Variants in DTNBP1 observed in about 807,000 individuals in gnomAD.
The protein encoded by DTNBP1 is dystrobrevin binding protein 1, also known as dysbindin.
In DTNBP1, 35 loss-of-function variants were observed where a neutral mutation model predicts 42.8. The observed-to-expected ratio is 0.82, with a 90% confidence interval of 0.63 to 1.09. The LOEUF is 1.09. Among genes scored for constraint, DTNBP1 ranks in the 50% least tolerant of loss-of-function variants. DTNBP1 has a pLI of 0.00. For synonymous variants in DTNBP1, 171 were observed against 162.2 expected, an observed-to-expected ratio of 1.05 and a Z score of -0.41; for missense variants, 457 against 424.2, an observed-to-expected ratio of 1.08 and a Z score of -0.68.
chr6:15,577,572 G>A (rs1246823665), intron 7 of DTNBP1, among the ~76,000 whole-genome samples: 3 of 152,196 alleles, frequency 2.0e-5, no homozygotes, highest in Non-Finnish European at 4.4e-5. Context: ...GATGAACAGC[G>A]CTATCATCTA....
Position 15,587,717 on chromosome 6 carries a change from G to C in DTNBP1, c.511+5342C>G, listed in dbSNP as rs1776137091. On this transcript the variant is annotated intron_variant, in intron 7 of 9. Transcript: ENST00000344537. This position sits in a 1 kb window ranked among gnomAD's most constrained non-coding sequence, Gnocchi z 4.1. ...GGTGCAGCCTAGAGCCCCAAGGTCT[G>C]CCAAAAAATGGTTCTGAGACAACTG... Among the ~76,000 whole-genome samples the C allele has an allele frequency of 6.6e-6, 1 of 152,142 alleles. No homozygotes were observed. The highest frequency in any genetic ancestry group is 1.5e-5 in the Non-Finnish European group (1 of 68,018).
At chr6:15,602,564 A>G (rs1010184875) in intron 6 of DTNBP1, among the ~76,000 whole-genome samples, 2 of 152,220 alleles carry the variant, frequency 1.3e-5, no homozygotes, top group African/African-American at 4.8e-5. Context: ...ATAAACTCCA[A>G]CACAACTATG....
intron 6 of DTNBP1, among the ~76,000 whole-genome samples, chr6:15,609,568 C>T (rs1158919669): frequency 6.6e-6 from 1 of 152,232 alleles, no homozygotes; most frequent in African/African-American, 2.4e-5. Flanking sequence ...TTCCACCCAC[C>T]TTGGCCTCCC....
chr6:15,632,293 T>C (rs1759739628), intron 4 of DTNBP1, among the ~76,000 whole-genome samples: 1 of 152,222 alleles, frequency 6.6e-6, no homozygotes, highest in African/African-American at 2.4e-5. Flanking sequence ...TTTTATATCT[T>C]ACTTAAGAAA....
At position 15,523,098 on chromosome 6, in the gene DTNBP1, A is replaced by C. The variant is rs771057535; in HGVS notation, c.933T>G (p.Ser311Arg). 1.9e-6 allele frequency: 3 copies of C among 1,614,090 alleles called. No individual in the cohort carries two copies. Among genetic ancestry groups the C allele is most frequent in the South Asian group, 1.1e-5 (1 of 91,060 alleles). ...TCTDSATRDI[S>R]EGGESPVVQS... ...GAACAACGGGGGACTCCCCACCCTC[A>C]CTGATGTCCCGGGTGGCCGAGTCGG... The change falls in exon 10 of 10, where the codon AGT (serine) becomes AGG (arginine). Residue 311 changes from serine (S) to arginine (R), a missense_variant. Transcript: ENST00000344537.
intron 6 of DTNBP1, among the ~76,000 whole-genome samples, chr6:15,604,498 CAT>C (rs1039477612): frequency 7.9e-5 from 12 of 152,224 alleles, no homozygotes; most frequent in African/African-American, 2.6e-4. Flanking sequence ...TCTTCTCTCC[CAT>C]TCTCAGCTCC....
intron 6 of DTNBP1, among the ~76,000 whole-genome samples, chr6:15,597,044 A>AG (rs1776543495): frequency 1.3e-5 from 2 of 152,216 alleles, no homozygotes; most frequent in South Asian, 4.1e-4. Context: ...ATCTTGGTTG[A>AG]GTTCAATCAT....
intron 7 of DTNBP1, among the ~76,000 whole-genome samples, chr6:15,536,669 AT>A (rs1435435055): frequency 2.0e-5 from 3 of 152,178 alleles, no homozygotes; most frequent in Non-Finnish European, 2.9e-5. Context: ...GGCAGTGCAA[AT>A]GGTAAATGTG....
At chr6:15,548,501 T>C (rs1209034628) in intron 7 of DTNBP1, 1 of 150,482 alleles carries the variant, frequency 6.6e-6, no homozygotes, top group Non-Finnish European at 1.5e-5. Flanking sequence ...TTCCCATGTA[T>C]AACACATTTG....
intron 2 of DTNBP1, 39 bp downstream of exon 2, chr6:15,652,046 ATT>A: frequency 6.3e-7 from 1 of 1,583,966 alleles, no homozygotes; most frequent in Non-Finnish European, 8.7e-7. Flanking sequence ...GTTGTATGAA[ATT>A]TAAGTCACAG....
At chr6:15,616,197 A>G (rs990462362) in intron 5 of DTNBP1, among the ~76,000 whole-genome samples, 2 of 152,246 alleles carry the variant, frequency 1.3e-5, no homozygotes, top group African/African-American at 4.8e-5. Context: ...CTAATTTCCA[A>G]TTGACAGGGT....
intron 7 of DTNBP1, among the ~76,000 whole-genome samples, chr6:15,570,018 T>A (rs1416895020): frequency 1.3e-5 from 2 of 152,180 alleles, no homozygotes; most frequent in Non-Finnish European, 2.9e-5. Flanking sequence ...TGCATGCGTA[T>A]GTATACCTGT....
At chr6:15,593,760 C>T (rs917656036) in intron 6 of DTNBP1, among the ~76,000 whole-genome samples, 1 of 152,176 alleles carries the variant, frequency 6.6e-6, no homozygotes, top group Non-Finnish European at 1.5e-5. Flanking sequence ...CTTTCCCTCA[C>T]AATTTTGCAG....
At chr6:15,644,259 T>C (rs924464190) in intron 3 of DTNBP1, among the ~76,000 whole-genome samples, 1 of 150,304 alleles carries the variant, frequency 6.7e-6, no homozygotes, top group Non-Finnish European at 1.5e-5. Flanking sequence ...CCTAAATATA[T>C]ATGTACCCAA....
intron 7 of DTNBP1, among the ~76,000 whole-genome samples, chr6:15,553,058 A>AT (rs1774303273): frequency 2.0e-5 from 3 of 152,198 alleles, no homozygotes; most frequent in Non-Finnish European, 4.4e-5. Flanking sequence ...TCAACAGGAG[A>AT]GGGGAGAAAA....
chr6:15,583,660 C>T (rs1384176323), intron 7 of DTNBP1, among the ~76,000 whole-genome samples: 1 of 152,148 alleles, frequency 6.6e-6, no homozygotes, highest in Non-Finnish European at 1.5e-5. Context: ...ATAATTTTTG[C>T]TGTCAAGTTA....
chr6:15,603,577 A>G (rs1776812025), intron 6 of DTNBP1, among the ~76,000 whole-genome samples: 1 of 152,126 alleles, frequency 6.6e-6, no homozygotes, highest in African/African-American at 2.4e-5. Context: ...GATACCAGAC[A>G]TTGTGATTTA....
intron 6 of DTNBP1, among the ~76,000 whole-genome samples, chr6:15,601,336 A>G (rs554335820): frequency 3.3e-5 from 5 of 152,342 alleles, no homozygotes; most frequent in African/African-American, 1.2e-4. Flanking sequence ...CATTTTAATT[A>G]AGAAATATTC....
chr6:15,630,159 C>T (rs1023290326), intron 4 of DTNBP1, among the ~76,000 whole-genome samples: 2 of 152,136 alleles, frequency 1.3e-5, no homozygotes, highest in Admixed American at 6.5e-5. Context: ...AAAAGGTACA[C>T]CAATGATGTA....
Sources: allele counts gnomAD v4.1 joint callset (sites outside exome capture counted in the v4.1 genomes callset), GRCh38; gene constraint gnomAD v4.1.1; non-coding constraint Gnocchi (gnomAD v3.1); transcripts MANE v1.5; gene names NCBI Gene and HGNC (gene_info 2026-07-23, HGNC 2026-07-21).